TRAPPC9: variants seen among roughly 807,000 people sequenced by gnomAD.
TRAPPC9 encodes the protein IKK2 binding protein.
TRAPPC9 carries 83 observed loss-of-function variants against 124.0 expected under a neutral mutation model. That is an observed-to-expected ratio of 0.67 (90% CI 0.56 to 0.80). The LOEUF (loss-of-function observed/expected upper bound fraction) is 0.80. TRAPPC9 is among the 30% of genes least tolerant of loss of function. The pLI is 0.00. For synonymous variants in TRAPPC9, 638 were observed against 617.5 expected, an observed-to-expected ratio of 1.03 and a Z score of -0.49; for missense variants, 1,302 against 1,508.3, an observed-to-expected ratio of 0.86 and a Z score of 2.27.
At chr8:139,919,684 C>G (rs1296641581) in intron 19 of TRAPPC9, among the ~76,000 whole-genome samples, 1 of 152,178 alleles carries the variant, frequency 6.6e-6, no homozygotes, top group Non-Finnish European at 1.5e-5. Flanking sequence ...TTCACTCAAG[C>G]TAATATCAGG....
chr8:140,116,035 G>A (rs2060880036), intron 17 of TRAPPC9, among the ~76,000 whole-genome samples: 1 of 152,196 alleles, frequency 6.6e-6, no homozygotes, highest in African/African-American at 2.4e-5. Context: ...AGGTGAGGAA[G>A]GCTGTTCCCA....
intron 2 of TRAPPC9, among the ~76,000 whole-genome samples, chr8:140,444,431 T>C (rs2071164955): frequency 6.6e-6 from 1 of 152,138 alleles, no homozygotes. Flanking sequence ...GACTCCATCC[T>C]GCTGCCAGGA....
At chr8:139,916,646 A>T (rs1356623332) in intron 19 of TRAPPC9, 1 of 152,284 alleles carries the variant, frequency 6.6e-6, no homozygotes, top group African/African-American at 2.4e-5. Context: ...GTTTAATTTT[A>T]TGGCCAAATG....
intron 21 of TRAPPC9, among the ~76,000 whole-genome samples, chr8:139,771,123 T>G (rs888422685): frequency 2.6e-5 from 4 of 152,138 alleles, no homozygotes; most frequent in African/African-American, 9.7e-5. Context: ...GCTCAGATCC[T>G]TTGTGCACCT....
At chr8:139,893,306 T>C (rs1271430104) in intron 20 of TRAPPC9, among the ~76,000 whole-genome samples, 1 of 152,238 alleles carries the variant, frequency 6.6e-6, no homozygotes, top group Non-Finnish European at 1.5e-5. Flanking sequence ...TTTCAGGCTC[T>C]GTGCCCAGCT....
chr8:139,888,810 G>A (rs1830169903), intron 20 of TRAPPC9, among the ~76,000 whole-genome samples: 1 of 152,186 alleles, frequency 6.6e-6, no homozygotes, highest in Admixed American at 6.5e-5. Flanking sequence ...TGGAAGTTCG[G>A]ATTCTAGCAT....
chr8:139,760,875 C>T (rs181623661), intron 21 of TRAPPC9, among the ~76,000 whole-genome samples: 1 of 152,316 alleles, frequency 6.6e-6, no homozygotes, highest in Admixed American at 6.5e-5. Flanking sequence ...CAGGCCCCTC[C>T]CACAACACAT....
intron 17 of TRAPPC9, among the ~76,000 whole-genome samples, chr8:140,212,877 G>A (rs1377134786): frequency 1.7e-5 from 2 of 120,032 alleles, no homozygotes; most frequent in African/African-American, 5.8e-5. Flanking sequence ...TCAAGAGATC[G>A]AGACCATCCT....
At chr8:140,153,823 T>C (rs1284134486) in intron 17 of TRAPPC9, among the ~76,000 whole-genome samples, 4 of 152,154 alleles carry the variant, frequency 2.6e-5, no homozygotes, top group Non-Finnish European at 5.9e-5. Flanking sequence ...TCAAAGATTC[T>C]CCAGGATCTG....
chr8:140,386,049 A>G (rs957277538), intron 7 of TRAPPC9, among the ~76,000 whole-genome samples: 2 of 152,248 alleles, frequency 1.3e-5, no homozygotes, highest in Admixed American at 6.5e-5. Flanking sequence ...GCATATAAAC[A>G]GAACCAAAGA....
chr8:139,830,383 A>G (rs563696736), intron 21 of TRAPPC9, among the ~76,000 whole-genome samples: 2 of 152,308 alleles, frequency 1.3e-5, no homozygotes, highest in African/African-American at 4.8e-5. Context: ...ATACACACAC[A>G]TGCATACACA....
intron 21 of TRAPPC9, among the ~76,000 whole-genome samples, chr8:139,830,354 A>T (rs1009068617): frequency 6.6e-6 from 1 of 152,054 alleles, no homozygotes; most frequent in African/African-American, 2.4e-5. Flanking sequence ...ACGCAATTAC[A>T]CATGCATACA....
chr8:140,014,928 T>A (rs1283361119), intron 18 of TRAPPC9, among the ~76,000 whole-genome samples: 1 of 152,172 alleles, frequency 6.6e-6, no homozygotes, highest in Non-Finnish European at 1.5e-5. Context: ...TTCCTTCCCA[T>A]GCTCTCATAT....
At chr8:140,035,370 G>A (rs1019045138) in intron 17 of TRAPPC9, among the ~76,000 whole-genome samples, 1 of 152,204 alleles carries the variant, frequency 6.6e-6, no homozygotes, top group Non-Finnish European at 1.5e-5. Flanking sequence ...AAAGTTGTAT[G>A]ACTGAAATCA....
In TRAPPC9 at chr8:140,135,204, G is replaced by C. The variant is rs567665914; in HGVS notation, c.2556+86255C>G. ...GATGTCGAGAAATTGAAACCCTTGTGCATTGCTAGTGGGAGTGAAAATGGT... is the reference window on the plus strand; with the variant it reads ...GATGTCGAGAAATTGAAACCCTTGTCCATTGCTAGTGGGAGTGAAAATGGT... On this transcript the variant is annotated intron_variant, in intron 17 of 22. Transcript: ENST00000438773. Among the ~76,000 whole-genome samples, 18 of 152,270 alleles carry C rather than the reference G, an allele frequency of 1.2e-4. No homozygotes were observed. The South Asian group carries it at 3.7e-3, about 32-fold the overall frequency.
At chr8:140,065,718 C>G (rs1044249032) in intron 17 of TRAPPC9, among the ~76,000 whole-genome samples, 2 of 152,150 alleles carry the variant, frequency 1.3e-5, no homozygotes, top group Non-Finnish European at 2.9e-5. Flanking sequence ...AAACCTACTG[C>G]TTAGAAAAAA....
At chr8:140,311,472 T>C in intron 9 of TRAPPC9, 98 bp from the exon 10 acceptor site, 1 of 1,417,060 alleles carries the variant, frequency 7.1e-7, no homozygotes, top group African/African-American at 1.4e-5. Context: ...GTCCAGTGAG[T>C]CCAATCTTCT....
At chr8:140,329,752 G>C (rs551308312) in intron 9 of TRAPPC9, among the ~76,000 whole-genome samples, 140 of 152,118 alleles carry the variant, frequency 9.2e-4, no homozygotes, top group African/African-American at 3.3e-3. Flanking sequence ...TACTTTCCTG[G>C]GGTTATTAAG....
At chr8:139,898,497 G>T (rs371594035) in intron 20 of TRAPPC9, among the ~76,000 whole-genome samples, 2 of 152,214 alleles carry the variant, frequency 1.3e-5, no homozygotes, top group South Asian at 4.2e-4. Context: ...GTTTATCAGC[G>T]AATGTCCACC....
Sources: gnomAD v4.1 joint callset for allele counts (sites outside exome capture counted in the v4.1 genomes callset) on GRCh38, gnomAD v4.1.1 for gene constraint, MANE v1.5 for transcripts, NCBI Gene and HGNC (gene_info 2026-07-23, HGNC 2026-07-21) for gene names.